The following POLR3B variants were observed in gnomAD, a reference collection of about 807,000 sequenced individuals.
POLR3B encodes DNA-directed RNA polymerase III subunit RPC2.
A neutral mutation model predicts 147.4 loss-of-function variants in POLR3B; 96 were observed. That is an observed-to-expected ratio of 0.65 (90% CI 0.55 to 0.77). The LOEUF (loss-of-function observed/expected upper bound fraction) is 0.77, where lower values mean the gene tolerates loss of function less well. POLR3B is among the 30% of genes least tolerant of loss of function. The pLI, the probability that POLR3B is intolerant of heterozygous loss-of-function variation, is 0.00. For synonymous variants in POLR3B, 461 were observed against 485.9 expected (o/e 0.95, Z 0.67); for missense variants, 1,036 against 1,413.5 (o/e 0.73, Z 4.28).
chr12:106,384,773 T>G (rs758719090), intron 9 of POLR3B, among the ~76,000 whole-genome samples: 3 of 152,108 alleles, frequency 2.0e-5, no homozygotes, highest in Non-Finnish European at 2.9e-5. Flanking sequence ...TGTTCAGGCA[T>G]GAGTTATAGT....
intron 9 of POLR3B, among the ~76,000 whole-genome samples, chr12:106,391,482 T>TAA (rs2036913998): frequency 2.0e-5 from 3 of 152,164 alleles, no homozygotes; most frequent in African/African-American, 4.8e-5. Context: ...AATGTTGGCC[T>TAA]AAAAGGGACA....
chr12:106,440,160 A>G (rs1269348236), intron 18 of POLR3B, among the ~76,000 whole-genome samples: 2 of 152,336 alleles, frequency 1.3e-5, no homozygotes, highest in South Asian at 4.1e-4. Flanking sequence ...TCAAGCCAAC[A>G]AAACTGTCTA....
intron 23 of POLR3B, among the ~76,000 whole-genome samples, chr12:106,471,336 G>A (rs986092609): frequency 6.6e-6 from 1 of 152,162 alleles, no homozygotes; most frequent in African/African-American, 2.4e-5. Context: ...CAGTATTTGG[G>A]CAGGAGTGTA....
At position 106,476,101 on chromosome 12, in the gene POLR3B, T is replaced by G. The variant is rs1401816274; in HGVS notation, c.2713+12481T>G. ...TCTCAGCATTTGCTTGTCTGTAAAG[T>G]ATTTTATTTCTCCTTCACTTATGAA... On this transcript the variant is annotated intron_variant, in intron 23 of 27. Transcript: ENST00000228347. Among the ~76,000 whole-genome samples, 5 of 143,538 alleles carry G rather than the reference T, an allele frequency of 3.5e-5. No individual in the cohort carries two copies. In the East Asian group the frequency reaches 1.0e-3, roughly 30 times the overall value. The allele number at this position is 143,538 out of a possible 152,430, so 94.2% of individuals were successfully genotyped here.
In POLR3B at chr12:106,496,908, G is replaced by A. The variant is rs1299717482; in HGVS notation, c.2974G>A (p.Gly992Ser). 6.8e-6 allele frequency: 11 copies of A among 1,613,612 alleles called. No individual in the cohort carries two copies. Among genetic ancestry groups the A allele is most frequent in the African/African-American group, 1.3e-5 (1 of 74,882 alleles). ...CTTGGGGAAAGACTATGTTACATCCGGCATCACAGGGTAAGCATGCGATTG... is the reference window on the plus strand; with the variant it reads ...CTTGGGGAAAGACTATGTTACATCCAGCATCACAGGGTAAGCATGCGATTG... ...NYLGKDYVTSGITGEPLEAYI... is the reference protein window; with the variant it reads ...NYLGKDYVTSSITGEPLEAYI... Residue 992 changes from glycine to serine, a missense_variant, in exon 25 of 28, where the codon GGC becomes AGC. Coordinates refer to ENST00000228347, the MANE Select transcript of POLR3B (RefSeq NM_018082.6).
At chr12:106,496,180 C>T (rs755126239) in intron 24 of POLR3B, 22 bp downstream of exon 24, 22 of 1,373,338 alleles carry the variant, frequency 1.6e-5, no homozygotes, top group Non-Finnish European at 2.0e-5. Flanking sequence ...GTAGGTTTTT[C>T]AGAGGCATTG....
intron 23 of POLR3B, among the ~76,000 whole-genome samples, chr12:106,492,831 G>T (rs186264765): frequency 6.6e-6 from 1 of 152,086 alleles, no homozygotes; most frequent in Non-Finnish European, 1.5e-5. Flanking sequence ...ATATTTTGTC[G>T]ATTGGGGTAT....
At chr12:106,486,783 C>T (rs1407412564) in intron 23 of POLR3B, among the ~76,000 whole-genome samples, 1 of 152,230 alleles carries the variant, frequency 6.6e-6, no homozygotes, top group Non-Finnish European at 1.5e-5. Context: ...ACACTATCCC[C>T]ACTCCCTTCT....
Position 106,380,199 on chromosome 12 carries a change from T to G in POLR3B, c.723+60T>G, listed in dbSNP as rs557855864. On this transcript the variant is annotated intron_variant, in intron 9 of 27. Transcript: ENST00000228347. ...ATTCTTTCTCTGGTTTATTTACATA[T>G]GTAATTAGAGATTTGGAGGGTAAGG... 5.3e-6 allele frequency: 5 copies of G among 950,666 alleles called. No homozygotes were observed. The East Asian group carries it at 7.4e-5, about 14-fold the overall frequency. The allele number at this position is 950,666 out of a possible 1,614,324, so 58.9% of individuals were successfully genotyped here.
chr12:106,503,788 T>A (rs184019705), intron 26 of POLR3B, among the ~76,000 whole-genome samples: 9 of 152,368 alleles, frequency 5.9e-5, no homozygotes, highest in Non-Finnish European at 1.0e-4. Flanking sequence ...GTGTTTTCTG[T>A]GATTATATAT....
At chr12:106,472,006 T>C in intron 23 of POLR3B, among the ~76,000 whole-genome samples, 7 of 117,222 alleles carry the variant, frequency 6.0e-5, no homozygotes, top group African/African-American at 1.4e-4. Context: ...ATGCTATCCC[T>C]CCCCCCTCCC....
intron 23 of POLR3B, among the ~76,000 whole-genome samples, chr12:106,492,828 G>A (rs1320222403): frequency 6.6e-6 from 1 of 152,168 alleles, no homozygotes; most frequent in Non-Finnish European, 1.5e-5. Flanking sequence ...ATAATATTTT[G>A]TCGATTGGGG....
chr12:106,393,705 C>T (rs2036944992), intron 10 of POLR3B, among the ~76,000 whole-genome samples: 1 of 151,478 alleles, frequency 6.6e-6, no homozygotes, highest in East Asian at 1.9e-4. Flanking sequence ...TTGACCTGCT[C>T]AGGCACTCCT....
chr12:106,414,221 T>TAAAA (rs5800711), intron 12 of POLR3B, among the ~76,000 whole-genome samples: 26 of 121,058 alleles, frequency 2.1e-4, no homozygotes, highest in East Asian at 7.2e-4. Flanking sequence ...GATACAAAAG[T>TAAAA]AAAAAAAAAA....
Position 106,366,682 on chromosome 12 carries a change from G to T in POLR3B, c.187G>T (p.Glu63Ter), listed in dbSNP as rs1184568509. Reference protein sequence around the residue: ...VEIKKIMKANEKVTSDADPMW... With the variant: ...VEIKKIMKAN The stretch of plus-strand genomic sequence containing the variant: ...GATAAAGAAGATAATGAAAGCCAAT[G>T]AAAAGGTTACAAGTGACGCTGACCC... The change falls in exon 4 of 28, where the codon GAA (glutamate) becomes TAA (stop). Residue 63 changes from glutamate to a stop codon, truncating the protein, a stop_gained. Coordinates refer to ENST00000228347, the MANE Select transcript of POLR3B (RefSeq NM_018082.6). LOFTEE classifies it high-confidence loss of function. 1.9e-6 allele frequency: 3 copies of T among 1,613,884 alleles called. No homozygotes were observed. Among genetic ancestry groups the T allele is most frequent in the Non-Finnish European group, 2.5e-6 (3 of 1,179,786 alleles).
Position 106,432,318 on chromosome 12 carries a change from G to A in POLR3B, c.1465G>A (p.Ala489Thr). The A allele has an allele frequency of 6.2e-7, 1 of 1,613,144 alleles. No homozygotes were observed. ...GAAATGACCATCTTTTGTTTTTTAG[G>A]CATGTGGTTTGGTTAAAAACTTGGC... Reference protein sequence around the residue: ...LCPSDTPEGEACGLVKNLALM... With the variant: ...LCPSDTPEGETCGLVKNLALM... Residue 489 changes from alanine to threonine, a missense_variant and splice_region_variant, in exon 15 of 28, where the codon GCA becomes ACA. Transcript: ENST00000228347.
Position 106,408,322 on chromosome 12 carries a change from T to C in POLR3B, c.966+2346T>C, listed in dbSNP as rs928533393. Among the ~76,000 whole-genome samples, 5 of 152,314 alleles carry C rather than the reference T, an allele frequency of 3.3e-5. No individual in the cohort carries two copies. In the East Asian group the frequency reaches 9.6e-4, roughly 29 times the overall value. The stretch of plus-strand genomic sequence containing the variant: ...AGTTCTCAGTGCTTGTCCTTGAGGG[T>C]GGGCCTGCAGAGGCCTTTGTCTTGG... On this transcript the variant is annotated intron_variant, in intron 11 of 27. Coordinates refer to ENST00000228347, the MANE Select transcript of POLR3B (RefSeq NM_018082.6).
chr12:106,386,363 C>CT (rs2036838099), intron 9 of POLR3B, among the ~76,000 whole-genome samples: 2 of 145,860 alleles, frequency 1.4e-5, no homozygotes, highest in African/African-American at 5.2e-5. Flanking sequence ...AAAAAGAAAA[C>CT]TTTATCTAAT....
intron 1 of POLR3B, among the ~76,000 whole-genome samples, chr12:106,359,029 G>T (rs1416430011): frequency 1.3e-5 from 2 of 152,146 alleles, no homozygotes; most frequent in African/African-American, 4.8e-5. Flanking sequence ...AACAGCTTGG[G>T]CGACATGGCA....
Sources: allele counts gnomAD v4.1 joint callset (sites outside exome capture counted in the v4.1 genomes callset), GRCh38; gene constraint gnomAD v4.1.1; transcripts MANE v1.5; gene names NCBI Gene and HGNC (gene_info 2026-07-23, HGNC 2026-07-21).